CACNA1A: variants seen among roughly 807,000 people sequenced by gnomAD.
CACNA1A encodes calcium voltage-gated channel subunit alpha1 A.
In CACNA1A, 57 loss-of-function variants were observed where a neutral mutation model predicts 262.4. The observed-to-expected ratio is 0.22, with a 90% confidence interval of 0.18 to 0.27. The LOEUF (loss-of-function observed/expected upper bound fraction) is 0.27, where lower values mean the gene tolerates loss of function less well. CACNA1A is among the 10% of genes least tolerant of loss of function. CACNA1A has a pLI of 1.00. For synonymous variants in CACNA1A, 1,431 were observed against 1,419.3 expected, an observed-to-expected ratio of 1.01 and a Z score of -0.18; for missense variants, 2,526 against 3,562.8, an observed-to-expected ratio of 0.71 and a Z score of 7.41.
chr19:13,231,973 C>T, intron 34 of CACNA1A, 113 bp from the exon 35 acceptor site: 3 of 1,087,106 alleles, frequency 2.8e-6, no homozygotes, highest in Non-Finnish European at 4.0e-6. Context: ...GCTGGCCAGG[C>T]AAGCCCCAGG....
chr19:13,267,117 A>G (rs1461961305), intron 24 of CACNA1A, among the ~76,000 whole-genome samples: 1 of 152,172 alleles, frequency 6.6e-6, no homozygotes, highest in Non-Finnish European at 1.5e-5. Context: ...ACAGATCACG[A>G]GAGACAGAAT....
At chr19:13,448,112 C>T (rs998248008) in intron 3 of CACNA1A, among the ~76,000 whole-genome samples, 6 of 151,006 alleles carry the variant, frequency 4.0e-5, no homozygotes, top group African/African-American at 1.5e-4. Flanking sequence ...GCTGCAAAAG[C>T]CCATCAATGA....
In CACNA1A at chr19:13,484,441, C is replaced by T. The variant is rs184555176; in HGVS notation, c.293+21491G>A. 2.6e-5 allele frequency among the ~76,000 whole-genome samples: 4 copies of T among 152,102 alleles called. No individual in the cohort carries two copies. The East Asian group carries it at 7.7e-4, about 29-fold the overall frequency. On this transcript the variant is annotated intron_variant, in intron 1 of 46. Transcript: ENST00000360228. Reference sequence around the variant, plus strand: ...TGCTTTTCTCACCCAGAAAACACAACCAGAAAAGAAACAGAGATAGAGAGA... The same window carrying T: ...TGCTTTTCTCACCCAGAAAACACAATCAGAAAAGAAACAGAGATAGAGAGA...
intron 1 of CACNA1A, among the ~76,000 whole-genome samples, chr19:13,463,826 G>T (rs1288377305): frequency 6.6e-6 from 1 of 152,152 alleles, no homozygotes; most frequent in African/African-American, 2.4e-5. Flanking sequence ...TTAGAAAACT[G>T]GCAATATCTG....
At chr19:13,425,722 GT>G (rs2060389800) in intron 3 of CACNA1A, among the ~76,000 whole-genome samples, 1 of 152,104 alleles carries the variant, frequency 6.6e-6, no homozygotes, top group Non-Finnish European at 1.5e-5. Flanking sequence ...TCCATGGAGG[GT>G]TCGCCTTCAT....
At chr19:13,262,881 G>C in intron 24 of CACNA1A, 48 bp from the exon 25 acceptor site, 1 of 1,336,906 alleles carries the variant, frequency 7.5e-7, no homozygotes, top group Non-Finnish European at 1.1e-6. Flanking sequence ...GGAAGCAGAG[G>C]TCAGGTTGGG....
At chr19:13,488,424 A>G (rs1374571340) in intron 1 of CACNA1A, among the ~76,000 whole-genome samples, 5 of 109,322 alleles carry the variant, frequency 4.6e-5, no homozygotes, top group Non-Finnish European at 6.9e-5. Context: ...TTTGAGACAG[A>G]GTCCCACTCT....
At chr19:13,402,721 T>C (rs1335820414) in intron 3 of CACNA1A, among the ~76,000 whole-genome samples, 4 of 145,626 alleles carry the variant, frequency 2.7e-5, no homozygotes, top group Admixed American at 2.1e-4. Context: ...CCAAATTTCA[T>C]ATATATATAT....
chr19:13,227,522 C>T lies in CACNA1A; in HGVS notation c.5534G>A (p.Arg1845His). Residue 1845 changes from arginine to histidine, a missense_variant, in exon 37 of 47, where the codon CGC becomes CAC. Arg to His is a conservative substitution (Grantham distance 29). Transcript: ENST00000360228. ...CTGATACATGTCCAGGTAAGGCATG[C>T]GGCCCCTGGCAGCACCGAAAATGAA... is the stretch of plus-strand genomic sequence containing the variant. ...WAEYDPAAWG[R>H]MPYLDMYQML... The T allele has an allele frequency of 7.1e-6, 11 of 1,551,246 alleles. No homozygotes were observed. Among genetic ancestry groups the T allele is most frequent in the South Asian group, 2.4e-5 (2 of 81,932 alleles).
chr19:13,388,334 C>A (rs1210083084), intron 3 of CACNA1A, among the ~76,000 whole-genome samples: 2 of 143,612 alleles, frequency 1.4e-5, no homozygotes, highest in African/African-American at 5.3e-5. Flanking sequence ...CAGCTCAATG[C>A]AACCTCTGCC....
intron 6 of CACNA1A, among the ~76,000 whole-genome samples, chr19:13,356,146 C>T (rs1317339729): frequency 4.6e-5 from 7 of 152,202 alleles, no homozygotes; most frequent in Non-Finnish European, 8.8e-5. Context: ...CACCTCACTC[C>T]ACTTCCTCAG....
At chr19:13,413,469 G>A (rs1034745960) in intron 3 of CACNA1A, among the ~76,000 whole-genome samples, 5 of 151,156 alleles carry the variant, frequency 3.3e-5, no homozygotes, top group African/African-American at 1.2e-4. Flanking sequence ...CTACTAGGGA[G>A]GCCAAGGCAA....
At chr19:13,471,661 A>G (rs994174577) in intron 1 of CACNA1A, among the ~76,000 whole-genome samples, 3 of 152,228 alleles carry the variant, frequency 2.0e-5, no homozygotes, top group Non-Finnish European at 4.4e-5. Context: ...TAAGTGAAAG[A>G]AGCCAGACAC....
At chr19:13,358,633 G>A (rs1156387372) in intron 6 of CACNA1A, among the ~76,000 whole-genome samples, 1 of 152,140 alleles carries the variant, frequency 6.6e-6, no homozygotes, top group Non-Finnish European at 1.5e-5. Context: ...GGAACTAAAG[G>A]GGTTGCATAT....
At chr19:13,413,830 A>G (rs150210452) in intron 3 of CACNA1A, among the ~76,000 whole-genome samples, 9,969 of 139,092 alleles carry the variant, frequency 0.072, 802 homozygotes, top group East Asian at 0.19. Context: ...GCAGTGAGCT[A>G]AGATCTTGCC....
At chr19:13,492,387 A>G (rs928526007) in intron 1 of CACNA1A, among the ~76,000 whole-genome samples, 6 of 152,220 alleles carry the variant, frequency 3.9e-5, no homozygotes, top group African/African-American at 1.4e-4. Context: ...ATTGGTGAAG[A>G]TGTAAAATCA....
intron 4 of CACNA1A, among the ~76,000 whole-genome samples, chr19:13,370,619 C>T (rs1409601597): frequency 2.0e-5 from 3 of 147,774 alleles, no homozygotes; most frequent in South Asian, 2.1e-4. Context: ...GACAGGGTTT[C>T]GCCATGTTGC....
At position 13,374,313 on chromosome 19, in the gene CACNA1A, C is replaced by T. The variant is rs188934319; in HGVS notation, c.540-2534G>A. Among the ~76,000 whole-genome samples the T allele has an allele frequency of 7.2e-5, 11 of 152,232 alleles. 1 individual carries two copies. The highest frequency in any genetic ancestry group is 2.4e-4 in the African/African-American group (10 of 41,538). ...CCCAGGCTTGAGTATAGTGGTGCAA[C>T]AACAGCTCACTGCAGCCTCAACCTC... is the stretch of plus-strand genomic sequence containing the variant. On this transcript the variant is annotated intron_variant, in intron 3 of 46. Transcript: ENST00000360228.
At position 13,312,659 on chromosome 19, in the gene CACNA1A, G is replaced by C. The variant is rs545368463; in HGVS notation, c.1668+10C>G. On this transcript the variant is annotated intron_variant, in intron 12 of 46. Coordinates refer to ENST00000360228, the MANE Select transcript of CACNA1A (RefSeq NM_001127222.2). Reference sequence around the variant, plus strand: ...TGGAGAAATGAACTCTTAGAAACAAGAGCACTTACCCCACAGTCAAAGCAG... The same window carrying C: ...TGGAGAAATGAACTCTTAGAAACAACAGCACTTACCCCACAGTCAAAGCAG... 5 of 1,498,038 alleles carry C rather than the reference G, an allele frequency of 3.3e-6. No homozygotes were observed. The highest frequency in any genetic ancestry group is 1.4e-5 in the African/African-American group (1 of 70,794). The allele number at this position is 1,498,038 out of a possible 1,614,324, so 92.8% of individuals were successfully genotyped here.
Sources: gnomAD v4.1 joint callset for allele counts (sites outside exome capture counted in the v4.1 genomes callset) on GRCh38, gnomAD v4.1.1 for gene constraint, MANE v1.5 for transcripts, NCBI Gene and HGNC (gene_info 2026-07-23, HGNC 2026-07-21) for gene names.